Variants in BCKDHB observed in about 807,000 individuals in gnomAD.
The protein encoded by BCKDHB is 2-oxoisovalerate dehydrogenase subunit beta, mitochondrial.
In BCKDHB, 41 loss-of-function variants were observed where a neutral mutation model predicts 48.5. That is an observed-to-expected ratio of 0.85 (90% confidence interval 0.66 to 1.10). The LOEUF (loss-of-function observed/expected upper bound fraction) is 1.10, where lower values mean the gene tolerates loss of function less well. BCKDHB is among the 50% of genes least tolerant of loss of function. The probability of loss-of-function intolerance (pLI) is 0.00; values close to 1 mark genes in which losing one functional copy is unlikely to be tolerated. For missense variants in BCKDHB, 496 were observed against 494.2 expected (o/e 1.00, Z -0.03); for synonymous variants, 201 against 174.8 (o/e 1.15, Z -1.18).
chr6:80,167,723 T>C lies in BCKDHB; in HGVS notation c.389T>C (p.Val130Ala). The change falls in exon 4 of 10, where the codon GTT becomes GCT. Residue 130 changes from valine (V) to alanine (A), a missense_variant. Val to Ala is a moderately conservative substitution (Grantham distance 64). Coordinates refer to ENST00000320393, the MANE Select transcript of BCKDHB (RefSeq NM_183050.4). ...ACCCCATTGTGTGAACAAGGAATTGTTGGATTTGGAATCGGAATTGCGGTC... is the reference window on the plus strand; with the variant it reads ...ACCCCATTGTGTGAACAAGGAATTGCTGGATTTGGAATCGGAATTGCGGTC... ...FNTPLCEQGI[V>A]GFGIGIAVTG... is the part of the protein sequence containing the mutation. 4.3e-6 allele frequency: 7 copies of C among 1,612,200 alleles called. No homozygotes were observed. Among genetic ancestry groups the C allele is most frequent in the Non-Finnish European group, 5.1e-6 (6 of 1,178,234 alleles).
At chr6:80,397,958 A>T in the BCKDHB span, among the ~76,000 whole-genome samples, 1 of 152,198 alleles carries the variant, frequency 6.6e-6, no homozygotes, top group African/African-American at 2.4e-5. Context: ...TGGAAGTTAA[A>T]CAAGTTGCTT....
At position 80,120,537 on chromosome 6, in the gene BCKDHB, T is replaced by G. The variant is rs551654836; in HGVS notation, c.197-7010T>G. Among the ~76,000 whole-genome samples, 7 of 152,344 alleles carry G rather than the reference T, an allele frequency of 4.6e-5. No individual in the cohort carries two copies. In the East Asian group the frequency reaches 1.3e-3, roughly 29 times the overall value. ...CTCCAGCATCTGTTGTTTCTTGACT[T>G]TTTAATGATTGCCATTCTAAATGGT... On this transcript the variant is annotated intron_variant, in intron 1 of 9. Coordinates refer to ENST00000320393, the MANE Select transcript of BCKDHB (RefSeq NM_183050.4).
chr6:80,418,659 G>A, the BCKDHB span, among the ~76,000 whole-genome samples: 14 of 152,146 alleles, frequency 9.2e-5, no homozygotes, highest in Non-Finnish European at 1.5e-5. Context: ...AATCCACTAT[G>A]CTGGGGAAAG....
At chr6:80,253,984 G>A (rs2127939622) in intron 8 of BCKDHB, among the ~76,000 whole-genome samples, 1 of 151,842 alleles carries the variant, frequency 6.6e-6, no homozygotes, top group Non-Finnish European at 1.5e-5. Context: ...ATTCTGTGCT[G>A]AAATAATTAT....
chr6:80,241,477 G>T (rs887057133), intron 8 of BCKDHB, among the ~76,000 whole-genome samples: 3 of 152,124 alleles, frequency 2.0e-5, no homozygotes, highest in African/African-American at 7.2e-5. Context: ...CTGTTCCTTT[G>T]TGCTTGTTGG....
At chr6:80,129,134 A>G (rs1353192193) in intron 2 of BCKDHB, 27 bp from the exon 3 acceptor site, 1 of 1,484,450 alleles carries the variant, frequency 6.7e-7, no homozygotes. Flanking sequence ...ATTAAATAAA[A>G]TGTATTATTT....
chr6:80,160,543 A>G (rs1772262060), intron 3 of BCKDHB, among the ~76,000 whole-genome samples: 1 of 152,194 alleles, frequency 6.6e-6, no homozygotes, highest in South Asian at 2.1e-4. Flanking sequence ...AATAGGGTTC[A>G]CTGGTGGACT....
chr6:80,323,773 G>C (rs936667457), intron 9 of BCKDHB, among the ~76,000 whole-genome samples: 2 of 152,136 alleles, frequency 1.3e-5, no homozygotes, highest in Admixed American at 6.5e-5. Context: ...GTGAGAAAAA[G>C]CAAAATTATT....
At chr6:80,385,628 G>T in the BCKDHB span, among the ~76,000 whole-genome samples, 1 of 152,256 alleles carries the variant, frequency 6.6e-6, no homozygotes, top group African/African-American at 2.4e-5. Flanking sequence ...TGAGGCCGTT[G>T]CCAGGCAAAA....
intron 9 of BCKDHB, among the ~76,000 whole-genome samples, chr6:80,322,882 TTTTTTTC>T (rs1278997085): frequency 4.1e-4 from 57 of 139,828 alleles, no homozygotes; most frequent in Middle Eastern, 3.8e-3. Context: ...GATTCTTCTT[TTTTTTTC>T]TTTTTTCTTT....
chr6:80,319,807 A>G (rs757398757), intron 9 of BCKDHB, among the ~76,000 whole-genome samples: 26 of 152,242 alleles, frequency 1.7e-4, no homozygotes, highest in Non-Finnish European at 3.1e-4. Flanking sequence ...GTGTATAATT[A>G]TAATCTTAAA....
chr6:80,311,235 C>G (rs1007154990), intron 9 of BCKDHB, among the ~76,000 whole-genome samples: 4 of 152,188 alleles, frequency 2.6e-5, no homozygotes, highest in African/African-American at 9.6e-5. Flanking sequence ...TGCCTTCCCC[C>G]ATGATTGTGA....
the BCKDHB span, among the ~76,000 whole-genome samples, chr6:80,459,633 C>T: frequency 1.3e-5 from 2 of 152,034 alleles, no homozygotes; most frequent in African/African-American, 2.4e-5. Context: ...AATGTTTTTA[C>T]CACATTAATA....
chr6:80,419,852 C>G, the BCKDHB span, among the ~76,000 whole-genome samples: 1 of 152,000 alleles, frequency 6.6e-6, no homozygotes, highest in Non-Finnish European at 1.5e-5. Context: ...TCTTTTTGTT[C>G]CTTTGAATGG....
chr6:80,374,727 G>A, the BCKDHB span, among the ~76,000 whole-genome samples: 868 of 152,210 alleles, frequency 5.7e-3, 9 homozygotes, highest in African/African-American at 0.019. Flanking sequence ...TTTTCATTGT[G>A]TTATTGTTTC....
intron 3 of BCKDHB, among the ~76,000 whole-genome samples, chr6:80,139,831 T>G (rs1771096518): frequency 6.6e-6 from 1 of 152,242 alleles, no homozygotes; most frequent in Non-Finnish European, 1.5e-5. Context: ...TTTTTTCCAA[T>G]TCTGTGAAGA....
chr6:80,216,739 T>C (rs1388703095), intron 8 of BCKDHB, among the ~76,000 whole-genome samples: 1 of 152,232 alleles, frequency 6.6e-6, no homozygotes, highest in African/African-American at 2.4e-5. Flanking sequence ...ATGTGTTGAC[T>C]TTCTGTTCTT....
the BCKDHB span, among the ~76,000 whole-genome samples, chr6:80,381,654 T>A: frequency 4.6e-5 from 7 of 152,246 alleles, no homozygotes; most frequent in South Asian, 1.4e-3. Flanking sequence ...ATTATGCTTC[T>A]TGTGGTTATG....
chr6:80,378,755 C>T, the BCKDHB span, among the ~76,000 whole-genome samples: 1 of 152,102 alleles, frequency 6.6e-6, no homozygotes, highest in Non-Finnish European at 1.5e-5. Flanking sequence ...TTCCCTCCAA[C>T]AGTGTATAAG....
Sources: allele counts gnomAD v4.1 joint callset (sites outside exome capture counted in the v4.1 genomes callset), GRCh38; gene constraint gnomAD v4.1.1; transcripts MANE v1.5; gene names NCBI Gene and HGNC (gene_info 2026-07-23, HGNC 2026-07-21).